Variants in PDE11A observed in about 807,000 individuals in gnomAD.
The protein encoded by PDE11A is phosphodiesterase 11A.
A neutral mutation model predicts 100.5 loss-of-function variants in PDE11A; 100 were observed. The observed-to-expected ratio is 1.00, with a 90% confidence interval of 0.85 to 1.18. The LOEUF is 1.18. PDE11A is among the 50% of genes most tolerant of loss of function. The pLI is 0.00. For synonymous variants in PDE11A, 381 were observed against 420.8 expected, an observed-to-expected ratio of 0.91 and a Z score of 1.16; for missense variants, 1,141 against 1,152.6, an observed-to-expected ratio of 0.99 and a Z score of 0.15.
intron 19 of PDE11A, among the ~76,000 whole-genome samples, chr2:177,646,142 C>A (rs1204374863): frequency 6.6e-6 from 1 of 152,178 alleles, no homozygotes; most frequent in African/African-American, 2.4e-5. Context: ...GGGCAAGAGT[C>A]TGAAACTAAA....
chr2:177,952,240 G>A (rs1243844420), intron 2 of PDE11A, among the ~76,000 whole-genome samples: 2 of 152,154 alleles, frequency 1.3e-5, no homozygotes, highest in African/African-American at 4.8e-5. Context: ...CAAGGATTAA[G>A]TATCCCTTCC....
At chr2:177,769,937 C>T (rs755336354) in intron 9 of PDE11A, among the ~76,000 whole-genome samples, 13 of 150,770 alleles carry the variant, frequency 8.6e-5, no homozygotes, top group Middle Eastern at 3.5e-3. Flanking sequence ...ACTGTAGTTC[C>T]CAAAGGATGT....
intron 1 of PDE11A, among the ~76,000 whole-genome samples, chr2:178,050,604 C>T (rs576340442): frequency 3.9e-5 from 6 of 152,052 alleles, no homozygotes; most frequent in Non-Finnish European, 8.8e-5. Flanking sequence ...AGCTAAAAAC[C>T]TTGAAAAAAG....
intron 9 of PDE11A, among the ~76,000 whole-genome samples, chr2:177,811,401 G>C (rs1184978546): frequency 1.3e-5 from 2 of 151,156 alleles, no homozygotes; most frequent in African/African-American, 4.9e-5. Context: ...TATATATTTA[G>C]GACAAAGGAT....
At chr2:177,687,781 G>A (rs922002800) in intron 15 of PDE11A, 1 of 152,128 alleles carries the variant, frequency 6.6e-6, no homozygotes, top group African/African-American at 2.4e-5. Context: ...GACTGGTAGG[G>A]CTGTATGGAA....
intron 9 of PDE11A, among the ~76,000 whole-genome samples, chr2:177,774,131 C>T (rs1315297549): frequency 6.6e-6 from 1 of 152,226 alleles, no homozygotes; most frequent in Non-Finnish European, 1.5e-5. Context: ...ATTTAGCCAT[C>T]ATGCGATTCT....
upstream of PDE11A, among the ~76,000 whole-genome samples, chr2:178,074,137 G>A (rs1244678771): frequency 6.6e-6 from 1 of 152,098 alleles, no homozygotes. Flanking sequence ...TGACCACATA[G>A]TGTAAAATTT....
In PDE11A at chr2:177,926,609, G is replaced by T. The variant is rs201418366; in HGVS notation, c.1072-21422C>A. Reference sequence around the variant, plus strand: ...AGTTTCAGATTTTAAGGTTTGAAAGGTTTGAAGAAAGGATTGCTTCTCAGA... The same window carrying T: ...AGTTTCAGATTTTAAGGTTTGAAAGTTTTGAAGAAAGGATTGCTTCTCAGA... On this transcript the variant is annotated intron_variant, in intron 2 of 19. Coordinates refer to ENST00000286063, the MANE Select transcript of PDE11A (RefSeq NM_016953.4). 2.0e-5 allele frequency among the ~76,000 whole-genome samples: 3 copies of T among 150,726 alleles called. No individual in the cohort carries two copies. The East Asian group carries it at 5.8e-4, about 29-fold the overall frequency.
intron 5 of PDE11A, among the ~76,000 whole-genome samples, chr2:177,859,917 A>T (rs1051585617): frequency 1.3e-5 from 2 of 151,970 alleles, no homozygotes; most frequent in South Asian, 4.1e-4. Flanking sequence ...GAATGAAAAC[A>T]AAATAAAACA....
chr2:177,795,323 C>T (rs1046418104), intron 9 of PDE11A, among the ~76,000 whole-genome samples: 8 of 152,080 alleles, frequency 5.3e-5, no homozygotes, highest in East Asian at 1.9e-4. Context: ...ATGACAGGAA[C>T]GGGAAGGGGC....
chr2:177,963,352 C>G (rs2085659208), intron 2 of PDE11A, among the ~76,000 whole-genome samples: 1 of 151,952 alleles, frequency 6.6e-6, no homozygotes, highest in South Asian at 2.1e-4. Context: ...TTCCACATAC[C>G]CCCAAATATG....
At chr2:177,645,053 T>C (rs1256371948) in intron 19 of PDE11A, among the ~76,000 whole-genome samples, 1 of 152,232 alleles carries the variant, frequency 6.6e-6, no homozygotes, top group Non-Finnish European at 1.5e-5. Context: ...ATTAGCAGTG[T>C]GAAAACGGAC....
At chr2:177,680,323 A>G (rs1358117647) in intron 16 of PDE11A, among the ~76,000 whole-genome samples, 2 of 152,136 alleles carry the variant, frequency 1.3e-5, no homozygotes, top group African/African-American at 4.8e-5. Flanking sequence ...CCATAAACAG[A>G]GTGGGTTGCT....
intron 5 of PDE11A, among the ~76,000 whole-genome samples, chr2:177,844,067 T>C (rs189313594): frequency 9.8e-5 from 15 of 152,316 alleles, no homozygotes; most frequent in South Asian, 2.1e-4. Flanking sequence ...AGTGATCAGA[T>C]CCTCAGAGAG....
At chr2:177,969,231 A>G (rs2085737925) in intron 2 of PDE11A, among the ~76,000 whole-genome samples, 1 of 152,142 alleles carries the variant, frequency 6.6e-6, no homozygotes, top group Non-Finnish European at 1.5e-5. Context: ...GAACACATGG[A>G]CACAGGGAGG....
chr2:178,059,116 C>G (rs184787481), intron 1 of PDE11A, among the ~76,000 whole-genome samples: 1 of 152,324 alleles, frequency 6.6e-6, no homozygotes, highest in East Asian at 1.9e-4. Flanking sequence ...CAGAGGTTCA[C>G]ATACAGTCCA....
rs557021067 is a variant in PDE11A at position 177,813,037 on chromosome 2, A to G, written c.1737+3792T>C. On this transcript the variant is annotated intron_variant, in intron 9 of 19. Transcript: ENST00000286063. ...GCAGAAGTGGGAACTAGACAAAGACAAAGGTGGAAACTTGAGGCAGAGGCA... is the reference window on the plus strand; with the variant it reads ...GCAGAAGTGGGAACTAGACAAAGACGAAGGTGGAAACTTGAGGCAGAGGCA... Among the ~76,000 whole-genome samples, 95 of 152,374 alleles carry G rather than the reference A, an allele frequency of 6.2e-4. 2 individuals are homozygous for G. Among genetic ancestry groups the G allele is most frequent in the African/African-American group, 2.2e-3 (91 of 41,604 alleles).
intron 14 of PDE11A, among the ~76,000 whole-genome samples, chr2:177,699,257 CTG>C (rs1202742961): frequency 6.6e-6 from 1 of 152,172 alleles, no homozygotes; most frequent in Non-Finnish European, 1.5e-5. Context: ...GTCTGTAACA[CTG>C]TGAGCAACTG....
intron 1 of PDE11A, among the ~76,000 whole-genome samples, chr2:178,038,350 C>A (rs2086643037): frequency 1.3e-5 from 2 of 150,704 alleles, no homozygotes. Flanking sequence ...GAGTAGTTTG[C>A]ATTTTCTAGA....
Sources: gnomAD v4.1 joint callset for allele counts (sites outside exome capture counted in the v4.1 genomes callset) on GRCh38, gnomAD v4.1.1 for gene constraint, MANE v1.5 for transcripts, NCBI Gene and HGNC (gene_info 2026-07-23, HGNC 2026-07-21) for gene names.